TCF25: variants seen among roughly 807,000 people sequenced by gnomAD.
TCF25 encodes the protein TCF25 ribosome quality control complex subunit.
TCF25 carries 41 observed loss-of-function variants against 83.1 expected under a neutral mutation model. That is an observed-to-expected ratio of 0.49 (90% CI 0.38 to 0.64). The LOEUF is 0.64. Ranked by LOEUF, TCF25 falls within the 30% of genes least tolerant of loss-of-function variation. TCF25 has a pLI of 0.00. For synonymous variants in TCF25, 458 were observed against 365.0 expected (o/e 1.25, Z -2.90); for missense variants, 979 against 914.5 (o/e 1.07, Z -0.91).
intron 1 of TCF25, among the ~76,000 whole-genome samples, chr16:89,881,465 A>G (rs2042600234): frequency 6.6e-6 from 1 of 151,966 alleles, no homozygotes; most frequent in Non-Finnish European, 1.5e-5. Flanking sequence ...AAAAATTTAG[A>G]GCTAGAGTCT....
rs751104723 is a variant in TCF25 at position 89,900,766 on chromosome 16, A to G, written c.1353A>G (p.Ile451Met). The G allele has an allele frequency of 5.7e-6, 9 of 1,590,834 alleles. No individual in the cohort carries two copies. The African/African-American group carries it at 6.7e-5, about 12-fold the overall frequency. ...CCAGGCAGAAGGCCTCTCTCCTGAT[A>G]CAGCAGGCGCTCACCATGTTCCCTG... is the stretch of plus-strand genomic sequence containing the variant. ...SSARQKASLLIQQALTMFPGV... is the reference protein window; with the variant it reads ...SSARQKASLLMQQALTMFPGV... Residue 451 changes from isoleucine to methionine, a missense_variant, in exon 12 of 18, where the codon ATA (isoleucine) becomes ATG (methionine). By Grantham distance (10) the Ile-to-Met change is conservative (BLOSUM62 1). Coordinates refer to ENST00000263346, the MANE Select transcript of TCF25 (RefSeq NM_014972.3).
intron 9 of TCF25, among the ~76,000 whole-genome samples, chr16:89,897,243 AG>A (rs1020758162): frequency 2.0e-5 from 3 of 152,156 alleles, no homozygotes; most frequent in Non-Finnish European, 2.9e-5. Context: ...CCGCATGTGG[AG>A]GTCTCTCTTC....
intron 13 of TCF25, 134 bp downstream of exon 13, chr16:89,904,339 A>T: frequency 1.0e-6 from 1 of 997,288 alleles, no homozygotes; most frequent in Non-Finnish European, 1.5e-6. Context: ...GGCCTCGGGG[A>T]CTGTCATTTG....
chr16:89,883,093 C>T (rs1051476960), intron 1 of TCF25, among the ~76,000 whole-genome samples: 5 of 152,144 alleles, frequency 3.3e-5, no homozygotes, highest in South Asian at 4.1e-4. Context: ...TCTTCCTTAC[C>T]TCATCTCTGA....
chr16:89,894,535 G>GC (rs1416388737), intron 7 of TCF25, among the ~76,000 whole-genome samples: 1 of 152,228 alleles, frequency 6.6e-6, no homozygotes, highest in East Asian at 1.9e-4. Context: ...GAGTTAGGTG[G>GC]CCCCTGGCCT....
chr16:89,880,341 T>C (rs2042517522), intron 1 of TCF25, among the ~76,000 whole-genome samples: 2 of 152,222 alleles, frequency 1.3e-5, no homozygotes, highest in South Asian at 4.1e-4. Flanking sequence ...CCCAGCACTT[T>C]GGGAGTCTGA....
At chr16:89,892,629 C>A (rs562539572) in intron 6 of TCF25, among the ~76,000 whole-genome samples, 233 of 152,244 alleles carry the variant, frequency 1.5e-3, no homozygotes, top group Non-Finnish European at 3.0e-3. Flanking sequence ...TGCCATCGAC[C>A]TTTCCCTTAT....
At chr16:89,910,840 G>T (rs978922521) in intron 17 of TCF25, among the ~76,000 whole-genome samples, 177 bp downstream of exon 17, 1 of 152,252 alleles carries the variant, frequency 6.6e-6, no homozygotes, top group Admixed American at 6.5e-5. Flanking sequence ...ACTGGGGCCT[G>T]CCCAGATGGT....
intron 9 of TCF25, among the ~76,000 whole-genome samples, chr16:89,897,609 G>C (rs1409947803): frequency 6.6e-6 from 1 of 152,248 alleles, no homozygotes; most frequent in African/African-American, 2.4e-5. Flanking sequence ...CTTTGAAGTA[G>C]ATTATAAAAT....
chr16:89,892,655 C>T (rs1316202044), intron 6 of TCF25, among the ~76,000 whole-genome samples: 2 of 152,218 alleles, frequency 1.3e-5, no homozygotes, highest in Non-Finnish European at 2.9e-5. Context: ...CAATCGAGTT[C>T]ATTTTAAACT....
At chr16:89,878,933 G>A (rs905841700) in intron 1 of TCF25, among the ~76,000 whole-genome samples, 3 of 152,154 alleles carry the variant, frequency 2.0e-5, no homozygotes, top group Non-Finnish European at 4.4e-5. Flanking sequence ...GAGCCACCGC[G>A]CCCAGCCAGT....
intron 7 of TCF25, 156 bp from the exon 8 acceptor site, chr16:89,894,882 T>G (rs149408054): frequency 0.01 from 5,718 of 550,052 alleles, 207 homozygotes; most frequent in South Asian, 0.083. Context: ...TGATATCAAG[T>G]GATCCTCCTG....
In TCF25 at chr16:89,904,119, C is replaced by T. The variant is rs1365442373; in HGVS notation, c.1383C>T (p.Val461=). ...IQQALTMFPG[V]LLPLLESCSV... is the part of the protein sequence containing the mutation. ...ACAGAGCCTCCGCTTCCCCTGCAGT[C>T]CTCCTGCCCCTGCTCGAGTCTTGCA... Residue 461 remains valine, a splice_region_variant and synonymous_variant, in exon 13 of 18, where the codon GTC becomes GTT. Coordinates refer to ENST00000263346, the MANE Select transcript of TCF25 (RefSeq NM_014972.3). The T allele has an allele frequency of 6.2e-7, 1 of 1,605,250 alleles. No individual in the cohort carries two copies. The highest frequency in any genetic ancestry group is 1.7e-5 in the Admixed American group (1 of 59,026).
At chr16:89,908,122 C>T (rs1320991332) in intron 16 of TCF25, among the ~76,000 whole-genome samples, 3 of 136,980 alleles carry the variant, frequency 2.2e-5, no homozygotes, top group Admixed American at 7.1e-5. Context: ...CTCCCGCCTC[C>T]CTCCTCTCAC....
intron 13 of TCF25, chr16:89,904,505 G>C (rs1348461228): frequency 2.0e-6 from 1 of 510,394 alleles, no homozygotes; most frequent in Non-Finnish European, 3.6e-6. Context: ...GCTTGTGCCT[G>C]GGAGGTCAAA....
Position 89,895,133 on chromosome 16 carries a change from C to T in TCF25, c.924C>T (p.Leu308=), listed in dbSNP as rs370106954. The change falls in exon 8 of 18, where the codon CTC becomes CTT. Residue 308 remains leucine, a synonymous_variant. Transcript: ENST00000263346. ...FQEDQEMARD[L]VERALYSMEC... ...AGGATCAGGAGATGGCTCGAGACCT[C>T]GTAGGTAAGGCAGAGCCCCCACCCC... 290 of 1,611,982 alleles carry T rather than the reference C, an allele frequency of 1.8e-4. No individual in the cohort carries two copies. Among genetic ancestry groups the T allele is most frequent in the Middle Eastern group, 3.3e-4 (2 of 6,080 alleles).
At chr16:89,907,667 C>G (rs1227215876) in intron 16 of TCF25, among the ~76,000 whole-genome samples, 1 of 115,126 alleles carries the variant, frequency 8.7e-6, no homozygotes, top group Non-Finnish European at 1.7e-5. Flanking sequence ...TCCCAGCTCC[C>G]TCCTCCCACC....
chr16:89,888,244 C>T (rs145926230), intron 5 of TCF25, among the ~76,000 whole-genome samples: 197 of 151,658 alleles, frequency 1.3e-3, no homozygotes, highest in African/African-American at 4.4e-3. Context: ...CCAGCCTGGC[C>T]GACAGAGCGA....
chr16:89,877,838 C>T (rs756052212), intron 1 of TCF25, among the ~76,000 whole-genome samples: 1 of 151,928 alleles, frequency 6.6e-6, no homozygotes, highest in African/African-American at 2.4e-5. Flanking sequence ...TAGTAACGGG[C>T]GATAAGGAAC....
Sources: gnomAD v4.1 joint callset for allele counts (sites outside exome capture counted in the v4.1 genomes callset) on GRCh38, gnomAD v4.1.1 for gene constraint, MANE v1.5 for transcripts, NCBI Gene and HGNC (gene_info 2026-07-23, HGNC 2026-07-21) for gene names.